The following YES1 variants were observed in gnomAD, a reference collection of about 807,000 sequenced individuals.
YES1 encodes tyrosine-protein kinase Yes.
In YES1, 39 loss-of-function variants were observed where a neutral mutation model predicts 70.4. That is an observed-to-expected ratio of 0.55 (90% CI 0.43 to 0.72). The LOEUF (loss-of-function observed/expected upper bound fraction) is 0.72. Among genes scored for constraint, YES1 ranks in the 30% least tolerant of loss-of-function variants. YES1 has a pLI of 0.00. For missense variants in YES1, 495 were observed against 644.8 expected, an observed-to-expected ratio of 0.77 and a Z score of 2.52; for synonymous variants, 198 against 218.6, an observed-to-expected ratio of 0.91 and a Z score of 0.83.
At chr18:727,211 C>G (rs906413168) in intron 11 of YES1, among the ~76,000 whole-genome samples, 2 of 152,020 alleles carry the variant, frequency 1.3e-5, no homozygotes, top group Non-Finnish European at 2.9e-5. Flanking sequence ...TGAACTGACC[C>G]TTTTATTATT....
intron 1 of YES1, among the ~76,000 whole-genome samples, chr18:776,958 A>G (rs1213450837): frequency 6.6e-6 from 1 of 152,170 alleles, no homozygotes; most frequent in Non-Finnish European, 1.5e-5. Flanking sequence ...TCATCTACTA[A>G]TCTTCCAAAA....
chr18:794,525 C>T (rs1355115306), intron 1 of YES1, among the ~76,000 whole-genome samples: 1 of 152,034 alleles, frequency 6.6e-6, no homozygotes, highest in Non-Finnish European at 1.5e-5. Flanking sequence ...CTTTCCTTGC[C>T]ACATTTCCTT....
chr18:781,537 CTGTT>C (rs756784236), intron 1 of YES1, among the ~76,000 whole-genome samples: 5 of 152,120 alleles, frequency 3.3e-5, no homozygotes, highest in Non-Finnish European at 5.9e-5. Context: ...TTGTCACTGC[CTGTT>C]TATTTCTATC....
intron 11 of YES1, among the ~76,000 whole-genome samples, chr18:729,619 C>CTTTTTTTTTTTTTT (rs869223956): frequency 5.3e-5 from 4 of 75,430 alleles, no homozygotes; most frequent in African/African-American, 1.2e-4. Flanking sequence ...TGATTTTGAA[C>CTTTTTTTTTTTTTT]TTTTTTTTTT....
chr18:735,355 T>TA (rs1264964730), intron 10 of YES1, among the ~76,000 whole-genome samples: 1 of 152,112 alleles, frequency 6.6e-6, no homozygotes. Flanking sequence ...TGCAGAAACT[T>TA]AGAGCTAGAG....
intron 6 of YES1, among the ~76,000 whole-genome samples, chr18:744,427 TCGCC>T (rs1175855929): frequency 6.6e-6 from 1 of 151,276 alleles, no homozygotes; most frequent in East Asian, 1.9e-4. Context: ...TCTCACTCTG[TCGCC>T]CAGGATGGAG....
intron 1 of YES1, among the ~76,000 whole-genome samples, chr18:791,738 A>T (rs1415700300): frequency 6.6e-6 from 1 of 152,166 alleles, no homozygotes; most frequent in Non-Finnish European, 1.5e-5. Context: ...ATTATTCTAC[A>T]TTCTTTTTAC....
At chr18:799,187 T>G (rs555456553) in intron 1 of YES1, among the ~76,000 whole-genome samples, 1 of 152,200 alleles carries the variant, frequency 6.6e-6, no homozygotes, top group Admixed American at 6.5e-5. Flanking sequence ...TCCATACAGA[T>G]GTCTAACTTG....
At chr18:743,598 T>G (rs529591262) in intron 6 of YES1, among the ~76,000 whole-genome samples, 183 bp from the exon 7 acceptor site, 14 of 152,248 alleles carry the variant, frequency 9.2e-5, no homozygotes, top group African/African-American at 3.4e-4. Context: ...TATACATAAG[T>G]GAAACATTTT....
chr18:771,565 T>C (rs1905158880), intron 1 of YES1, among the ~76,000 whole-genome samples: 1 of 152,218 alleles, frequency 6.6e-6, no homozygotes. Flanking sequence ...GAAAACTTTT[T>C]TGTGATGGGG....
chr18:777,312 T>C (rs1598928358), intron 1 of YES1, among the ~76,000 whole-genome samples: 2 of 152,320 alleles, frequency 1.3e-5, no homozygotes, highest in East Asian at 3.9e-4. Context: ...GTTGGAAAAA[T>C]AAACCACTGA....
At chr18:795,968 C>T (rs774283273) in intron 1 of YES1, among the ~76,000 whole-genome samples, 6 of 147,868 alleles carry the variant, frequency 4.1e-5, no homozygotes, top group Non-Finnish European at 9.0e-5. Flanking sequence ...GTAAGTAAAA[C>T]AAAAGTTCAG....
At chr18:729,728 G>A (rs1486208638) in intron 11 of YES1, among the ~76,000 whole-genome samples, 1 of 147,538 alleles carries the variant, frequency 6.8e-6, no homozygotes, top group African/African-American at 2.5e-5. Flanking sequence ...CTGGGTTCAA[G>A]CGATTCTCCT....
chr18:743,003 T>G lies in YES1; in HGVS notation c.975A>C (p.Lys325Asn). The change falls in exon 8 of 12, where the codon AAA (lysine) becomes AAC (asparagine). Residue 325 changes from lysine to asparagine, a missense_variant. Lys to Asn is a moderately conservative substitution (Grantham distance 94, BLOSUM62 0). Coordinates refer to ENST00000314574, the MANE Select transcript of YES1 (RefSeq NM_005433.4). ...GAACAAGTTTATCATGTCTTAATTTTTTCATTATCTGAGCTTCTTGAAGGA... is the reference window on the plus strand; with the variant it reads ...GAACAAGTTTATCATGTCTTAATTTGTTCATTATCTGAGCTTCTTGAAGGA... ...EAFLQEAQIM[K>N]KLRHDKLVPL... 6.2e-7 allele frequency: 1 copy of G among 1,612,070 alleles called. No individual in the cohort carries two copies. The highest frequency in any genetic ancestry group is 1.1e-5 in the South Asian group (1 of 90,192).
chr18:801,717 T>C (rs901508573), intron 1 of YES1, among the ~76,000 whole-genome samples: 4 of 152,164 alleles, frequency 2.6e-5, no homozygotes, highest in Admixed American at 2.0e-4. Flanking sequence ...TATGTGTATA[T>C]ACAGAGAGAG....
chr18:737,998 A>G (rs1021117021), intron 9 of YES1: 1 of 152,120 alleles, frequency 6.6e-6, no homozygotes, highest in Non-Finnish European at 1.5e-5. Context: ...AAGGGTTGTA[A>G]AAAGAAAAAA....
chr18:734,066 G>C (rs2145682481), intron 10 of YES1, among the ~76,000 whole-genome samples: 1 of 151,046 alleles, frequency 6.6e-6, no homozygotes, highest in Non-Finnish European at 1.5e-5. Context: ...ATCACCTAAG[G>C]TCAGGAGTTC....
At chr18:771,078 G>T (rs1905133103) in intron 1 of YES1, among the ~76,000 whole-genome samples, 1 of 151,834 alleles carries the variant, frequency 6.6e-6, no homozygotes, top group Non-Finnish European at 1.5e-5. Context: ...AATCATTCAA[G>T]TGATGGCTGG....
At chr18:731,700 G>T (rs2080088962) in intron 11 of YES1, among the ~76,000 whole-genome samples, 1 of 152,144 alleles carries the variant, frequency 6.6e-6, no homozygotes, top group South Asian at 2.1e-4. Flanking sequence ...AGGCACGGTG[G>T]CTCACGCCTG....
Sources: gnomAD v4.1 joint callset for allele counts (sites outside exome capture counted in the v4.1 genomes callset) on GRCh38, gnomAD v4.1.1 for gene constraint, MANE v1.5 for transcripts, NCBI Gene and HGNC (gene_info 2026-07-23, HGNC 2026-07-21) for gene names.